The following NLRP6 variants were observed in gnomAD, a reference collection of about 807,000 sequenced individuals.
NLRP6 encodes NLR family pyrin domain containing 6.
Under a neutral mutation model 70.9 loss-of-function variants are expected in NLRP6, and 55 were observed. That is an observed-to-expected ratio of 0.78 (90% CI 0.62 to 0.97). NLRP6 has a LOEUF of 0.97. Among genes scored for constraint, NLRP6 ranks in the 50% least tolerant of loss-of-function variants. The pLI is 0.00. For synonymous variants in NLRP6, 652 were observed against 581.9 expected (o/e 1.12, Z -1.73); for missense variants, 1,241 against 1,238.3 (o/e 1.00, Z -0.03).
intron 7 of NLRP6, 85 bp downstream of exon 7, chr11:284,727 C>A: frequency 7.6e-7 from 1 of 1,323,908 alleles, no homozygotes; most frequent in East Asian, 2.5e-5. Flanking sequence ...CCCCTGGACC[C>A]TGAAGAGGGG....
Position 281,255 on chromosome 11 carries a change from G to T in NLRP6, c.1521G>T (p.Ala507=), listed in dbSNP as rs771832416. 1.9e-6 allele frequency: 3 copies of T among 1,612,918 alleles called. No individual in the cohort carries two copies. Among genetic ancestry groups the T allele is most frequent in the South Asian group, 1.1e-5 (1 of 91,070 alleles). ...ACCAGAGCTTCCAGGAGTTCCTCGCGGCACTGTCCTACCTGCTGGAGGACG... is the reference window on the plus strand; with the variant it reads ...ACCAGAGCTTCCAGGAGTTCCTCGCTGCACTGTCCTACCTGCTGGAGGACG... ...FIDQSFQEFL[A]ALSYLLEDGG... is the part of the protein sequence containing the mutation. Residue 507 remains alanine (A), a synonymous_variant, in exon 4 of 8, where the codon GCG becomes GCT. Coordinates refer to ENST00000534750, the MANE Select transcript of NLRP6 (RefSeq NM_001276700.2).
rs753099366 is a variant in NLRP6 at position 282,758 on chromosome 11, A to G, written c.2159A>G (p.Gln720Arg). Reference sequence around the variant, plus strand: ...GCCTCCCTTCTTCATCCACTCTTTCAGGCAATGACTGACCCACTGTGCCAT... The same window carrying G: ...GCCTCCCTTCTTCATCCACTCTTTCGGGCAATGACTGACCCACTGTGCCAT... ...LPASLLHPLFQAMTDPLCHLS... is the reference protein window; with the variant it reads ...LPASLLHPLFRAMTDPLCHLS... The change falls in exon 5 of 8, where the codon CAG (glutamine) becomes CGG (arginine). Residue 720 changes from glutamine to arginine, a missense_variant. Gln to Arg is a conservative substitution (Grantham distance 43, BLOSUM62 1). Transcript: ENST00000534750. The G allele has an allele frequency of 1.1e-5, 17 of 1,614,042 alleles. No homozygotes were observed. Among genetic ancestry groups the G allele is most frequent in the South Asian group, 9.9e-5 (9 of 91,084 alleles).
In NLRP6 at chr11:281,629, C is replaced by T; in HGVS notation, c.1895C>T (p.Ala632Val). 1.2e-6 allele frequency: 2 copies of T among 1,612,900 alleles called. No homozygotes were observed. Among genetic ancestry groups the T allele is most frequent in the Non-Finnish European group, 1.7e-6 (2 of 1,179,650 alleles). ...TGCCTGTACGAGACGCAGGAGGACG[C>T]GTTTGTGCGCCAAGCCCTGTGCCGG... ...LYCLYETQED[A>V]FVRQALCRFP... The change falls in exon 4 of 8, where the codon GCG becomes GTG. Residue 632 changes from alanine (A) to valine (V), a missense_variant. Transcript: ENST00000534750.
Position 278,614 on chromosome 11 carries a change from A to C in NLRP6, c.29+16A>C, listed in dbSNP as rs1845422083. 1.3e-6 allele frequency: 2 copies of C among 1,578,902 alleles called. No homozygotes were observed. The highest frequency in any genetic ancestry group is 1.8e-5 in the Admixed American group (1 of 55,014). ...CCTGCTCCAGGTGAGTGCTGGCCCC[A>C]GGGTGGTCACTGGGAACCGGCTGGT... is the stretch of plus-strand genomic sequence containing the variant. On this transcript the variant is annotated intron_variant, in intron 1 of 7. Coordinates refer to ENST00000534750, the MANE Select transcript of NLRP6 (RefSeq NM_001276700.2). The surrounding 1 kb of genome is among the most constrained non-coding windows in gnomAD (Gnocchi z 4.7).
At position 280,547 on chromosome 11, in the gene NLRP6, G is replaced by A. The variant is rs781151412; in HGVS notation, c.813G>A (p.Pro271=). 19 of 1,534,850 alleles carry A rather than the reference G, an allele frequency of 1.2e-5. No individual in the cohort carries two copies. Among genetic ancestry groups the A allele is most frequent in the Admixed American group, 2.0e-5 (1 of 50,860 alleles). The change falls in exon 4 of 8, where the codon CCG becomes CCA. Residue 271 remains proline, a synonymous_variant. Coordinates refer to ENST00000534750, the MANE Select transcript of NLRP6 (RefSeq NM_001276700.2). ...GAPVPQMLAQ[P]QRLLFILDGA... ...CGGTGCCGCAGATGCTGGCCCAGCC[G>A]CAGCGGCTGCTCTTCATCCTGGACG...
In NLRP6 at chr11:280,580, C is replaced by G. The variant is rs931404532; in HGVS notation, c.846C>G (p.Asp282Glu). 5 of 1,458,260 alleles carry G rather than the reference C, an allele frequency of 3.4e-6. No homozygotes were observed. Among genetic ancestry groups the G allele is most frequent in the Non-Finnish European group, 4.5e-6 (5 of 1,118,890 alleles). The allele number at this position is 1,458,260 out of a possible 1,614,324, so 90.3% of individuals were successfully genotyped here. A position where few individuals can be genotyped will look rare whatever the true frequency, so the allele number is the denominator to read the frequency against. ...TGCTCTTCATCCTGGACGGCGCGGA[C>G]GAGCTGCCGGCGCTGGGGGGCCCCG... ...QRLLFILDGA[D>E]ELPALGGPEA... Residue 282 changes from aspartate (D) to glutamate (E), a missense_variant, in exon 4 of 8, where the codon GAC becomes GAG. Physicochemically the swap from Asp to Glu is conservative, Grantham distance 45. Coordinates refer to ENST00000534750, the MANE Select transcript of NLRP6 (RefSeq NM_001276700.2).
rs1228804614 is a variant in NLRP6, at chr11:281,250, C to T, written c.1516C>T (p.Leu506Phe). 1.9e-6 allele frequency: 3 copies of T among 1,612,924 alleles called. No homozygotes were observed. Among genetic ancestry groups the T allele is most frequent in the Non-Finnish European group, 2.5e-6 (3 of 1,179,874 alleles). ...QFIDQSFQEF[L>F]AALSYLLEDG... ...CATCGACCAGAGCTTCCAGGAGTTC[C>T]TCGCGGCACTGTCCTACCTGCTGGA... is the stretch of plus-strand genomic sequence containing the variant. The change falls in exon 4 of 8, where the codon CTC becomes TTC. Residue 506 changes from leucine (L) to phenylalanine (F), a missense_variant. Coordinates refer to ENST00000534750, the MANE Select transcript of NLRP6 (RefSeq NM_001276700.2).
chr11:282,874 C>A, intron 5 of NLRP6, 77 bp downstream of exon 5: 2 of 1,089,524 alleles, frequency 1.8e-6, no homozygotes, highest in Non-Finnish European at 2.8e-6. Flanking sequence ...GGAAGTATGA[C>A]CTAGGAAAGA....
rs866118844 is a variant in NLRP6, at chr11:280,101, C to G, written c.367C>G (p.Arg123Gly). 1 of 1,518,804 alleles carries G rather than the reference C, an allele frequency of 6.6e-7. No homozygotes were observed. Among genetic ancestry groups the G allele is most frequent in the Non-Finnish European group, 8.8e-7 (1 of 1,134,440 alleles). 94.1% of individuals were successfully genotyped at this position (1,518,804 alleles called of 1,614,324 possible). The stretch of plus-strand genomic sequence containing the variant: ...GCGCCCAGAGTACAAGAAGAAGTAC[C>G]GGGAGCACGTGCTGCAGCTGCACGC... ...LSVSEYKKKYREHVLQLHARV... is the reference protein window; with the variant it reads ...LSVSEYKKKYGEHVLQLHARV... Residue 123 changes from arginine to glycine, a missense_variant, in exon 4 of 8, where the codon CGG becomes GGG. Coordinates refer to ENST00000534750, the MANE Select transcript of NLRP6 (RefSeq NM_001276700.2).
Position 281,844 on chromosome 11 carries a change from G to A in NLRP6, c.2105+5G>A. The A allele has an allele frequency of 3.8e-6, 6 of 1,565,994 alleles. No homozygotes were observed. Among genetic ancestry groups the A allele is most frequent in the Admixed American group, 1.8e-5 (1 of 57,040 alleles). ...GGCCAGCCTGGGTGGCGGCAGGTGC[G>A]TCTCCAGGGCAGAGATACTCTCTTG... On this transcript the variant is annotated splice_donor_5th_base_variant and intron_variant, in intron 4 of 7. Transcript: ENST00000534750.
chr11:281,229 G>A lies in NLRP6; in HGVS notation c.1495G>A (p.Asp499Asn), dbSNP rs778857824. Residue 499 changes from aspartate (D) to asparagine (N), a missense_variant, in exon 4 of 8, where the codon GAC (aspartate) becomes AAC (asparagine). Transcript: ENST00000534750. ...GACAGAGGTCACCTACCAGTTCATC[G>A]ACCAGAGCTTCCAGGAGTTCCTCGC... ...LETEVTYQFI[D>N]QSFQEFLAAL... is the part of the protein sequence containing the mutation. The A allele has an allele frequency of 4.3e-6, 7 of 1,613,102 alleles. No individual in the cohort carries two copies. The South Asian group carries it at 5.5e-5, about 13-fold the overall frequency.
rs779241910 is a variant in NLRP6, at chr11:280,930, G to A, written c.1196G>A (p.Arg399His). 5.6e-6 allele frequency: 9 copies of A among 1,613,268 alleles called. No individual in the cohort carries two copies. Among genetic ancestry groups the A allele is most frequent in the Non-Finnish European group, 7.6e-6 (9 of 1,179,946 alleles). ...FVCWIVCTVL[R>H]QQLELGRDLS... ...TGCTGGATCGTGTGCACCGTGCTGC[G>A]CCAGCAGCTGGAGCTCGGTCGGGAC... is the stretch of plus-strand genomic sequence containing the variant. The change falls in exon 4 of 8, where the codon CGC (arginine) becomes CAC (histidine). Residue 399 changes from arginine (R) to histidine (H), a missense_variant. Transcript: ENST00000534750.
chr11:284,421 G>A (rs1410686813), intron 6 of NLRP6, 21 bp downstream of exon 6: 1 of 1,600,530 alleles, frequency 6.2e-7, no homozygotes, highest in Non-Finnish European at 8.5e-7. Flanking sequence ...GCCTGGGAGG[G>A]ACCGTGGGAT....
At position 279,462 on chromosome 11, in the gene NLRP6, G is replaced by T. The variant is rs796249299; in HGVS notation, c.165G>T (p.Arg55=). ...GPDGRSIPWG[R]LERADAVDLA... Reference sequence around the variant, plus strand: ...ACGGACGCAGCATCCCGTGGGGGCGGCTGGAGCGCGCGGACGCCGTGGACC... The same window carrying T: ...ACGGACGCAGCATCCCGTGGGGGCGTCTGGAGCGCGCGGACGCCGTGGACC... The change falls in exon 2 of 8, where the codon CGG becomes CGT. Residue 55 remains arginine (R), a synonymous_variant. Coordinates refer to ENST00000534750, the MANE Select transcript of NLRP6 (RefSeq NM_001276700.2). 29 of 1,415,368 alleles carry T rather than the reference G, an allele frequency of 2.0e-5. No individual in the cohort carries two copies. The African/African-American group carries it at 4.1e-4, about 20-fold the overall frequency. The allele number at this position is 1,415,368 out of a possible 1,614,324, so 87.7% of individuals were successfully genotyped here. A position where few individuals can be genotyped will look rare whatever the true frequency, so the allele number is the denominator to read the frequency against.
At chr11:283,772 G>A (rs1227452743) in intron 5 of NLRP6, among the ~76,000 whole-genome samples, 1 of 151,908 alleles carries the variant, frequency 6.6e-6, no homozygotes, top group Non-Finnish European at 1.5e-5. Context: ...GGGGGTGGGG[G>A]ATTTGGCAAT....
Position 281,412 on chromosome 11 carries a change from G to A in NLRP6, c.1678G>A (p.Glu560Lys), listed in dbSNP as rs1845475617. Residue 560 changes from glutamate to lysine, a missense_variant, in exon 4 of 8, where the codon GAG (glutamate) becomes AAG (lysine). Coordinates refer to ENST00000534750, the MANE Select transcript of NLRP6 (RefSeq NM_001276700.2). ...LLSAERMRDI[E>K]RHFGCMVSER... ...GAGCGCGGAGCGGATGCGCGACATCGAGCGCCACTTCGGCTGCATGGTTTC... is the reference window on the plus strand; with the variant it reads ...GAGCGCGGAGCGGATGCGCGACATCAAGCGCCACTTCGGCTGCATGGTTTC... The A allele has an allele frequency of 1.2e-6, 2 of 1,608,642 alleles. No individual in the cohort carries two copies. The highest frequency in any genetic ancestry group is 1.7e-6 in the Non-Finnish European group (2 of 1,177,956).
chr11:284,631 G>A lies in NLRP6; in HGVS notation c.2526G>A (p.Leu842=), dbSNP rs1460068702. The A allele has an allele frequency of 6.2e-7, 1 of 1,606,148 alleles. No homozygotes were observed. The highest frequency in any genetic ancestry group is 8.5e-7 in the Non-Finnish European group (1 of 1,179,070). ...TCCTGCAGCACCAGGGATGCGGCCT[G>A]CAGACCCTCAGGTGGAGGCAGGGGT... is the stretch of plus-strand genomic sequence containing the variant. ...CAVLQHQGCG[L]QTLSLASVEL... The change falls in exon 7 of 8, where the codon CTG becomes CTA. Residue 842 remains leucine, a synonymous_variant. Transcript: ENST00000534750.
In NLRP6 at chr11:279,885, C is replaced by T. The variant is rs768690698; in HGVS notation, c.349+13C>T. On this transcript the variant is annotated intron_variant, in intron 3 of 7. Coordinates refer to ENST00000534750, the MANE Select transcript of NLRP6 (RefSeq NM_001276700.2). ...CTCTCCGTGTCCGGTGGGTCTCTCGCTGGGGGGGCACGAGTGTCCCCAACC... is the reference window on the plus strand; with the variant it reads ...CTCTCCGTGTCCGGTGGGTCTCTCGTTGGGGGGGCACGAGTGTCCCCAACC... The T allele has an allele frequency of 3.3e-6, 5 of 1,528,852 alleles. No individual in the cohort carries two copies. Among genetic ancestry groups the T allele is most frequent in the Admixed American group, 2.1e-5 (1 of 47,398 alleles). The allele number at this position is 1,528,852 out of a possible 1,614,324, so 94.7% of individuals were successfully genotyped here. A position where few individuals can be genotyped will look rare whatever the true frequency, so the allele number is the denominator to read the frequency against.
chr11:282,833 G>T (rs368461846), intron 5 of NLRP6, 36 bp downstream of exon 5: 1 of 1,477,872 alleles, frequency 6.8e-7, no homozygotes, highest in South Asian at 1.1e-5. Flanking sequence ...CCCACGGAGC[G>T]GGCTGAGAGC....
Sources: gnomAD v4.1 joint callset for allele counts (sites outside exome capture counted in the v4.1 genomes callset) on GRCh38, gnomAD v4.1.1 for gene constraint, Gnocchi (gnomAD v3.1) non-coding constraint, MANE v1.5 for transcripts, NCBI Gene and HGNC (gene_info 2026-07-23, HGNC 2026-07-21) for gene names.